The following PIAS2 variants were observed in gnomAD, a reference collection of about 807,000 sequenced individuals.
The protein encoded by PIAS2 is E3 SUMO-protein ligase PIAS2.
PIAS2 carries 19 observed loss-of-function variants against 69.7 expected under a neutral mutation model. That is an observed-to-expected ratio of 0.27 (90% CI 0.19 to 0.40). The LOEUF is 0.40. Ranked by LOEUF, PIAS2 falls within the 10% of genes least tolerant of loss-of-function variation. The pLI is 1.00. For missense variants in PIAS2, 624 were observed against 757.0 expected (o/e 0.82, Z 2.06); for synonymous variants, 261 against 263.2 (o/e 0.99, Z 0.08).
At chr18:46,843,503 A>C (rs905964537) in intron 8 of PIAS2, among the ~76,000 whole-genome samples, 1 of 152,186 alleles carries the variant, frequency 6.6e-6, no homozygotes, top group Non-Finnish European at 1.5e-5. Flanking sequence ...TTCAAACTCA[A>C]TTATTAACAT....
chr18:46,841,268 A>G (rs181239646), intron 8 of PIAS2, among the ~76,000 whole-genome samples: 30 of 152,314 alleles, frequency 2.0e-4, no homozygotes, highest in Non-Finnish European at 4.0e-4. Flanking sequence ...GTCCACTGCA[A>G]ATCACTTTAC....
At chr18:46,822,497 G>A (rs958507195) in intron 11 of PIAS2, among the ~76,000 whole-genome samples, 1 of 152,114 alleles carries the variant, frequency 6.6e-6, no homozygotes, top group African/African-American at 2.4e-5. Context: ...GAGATTTCTT[G>A]GCCTCCAGTG....
upstream of PIAS2, among the ~76,000 whole-genome samples, chr18:46,919,315 C>T (rs573531965): frequency 5.3e-5 from 8 of 152,064 alleles, no homozygotes; most frequent in South Asian, 2.1e-4. Context: ...GGAGAAACCC[C>T]GTCTCCACCA....
chr18:46,833,048 G>A (rs1188347516), intron 9 of PIAS2, among the ~76,000 whole-genome samples: 1 of 152,152 alleles, frequency 6.6e-6, no homozygotes, highest in African/African-American at 2.4e-5. Context: ...CCTGGCATGT[G>A]ACCAGGCATT....
chr18:46,806,353 C>CTTTTTTTTTTTTTTTTTTTTTTTT lies in PIAS2; in HGVS notation c.*6056_*6079dup, dbSNP rs869187746. 1.7e-5 allele frequency: 1 copy of CTTTTTTTTTTTTTTTTTTTTTTTT among 60,176 alleles called. No homozygotes were observed. The highest frequency in any genetic ancestry group is 5.4e-5 in the African/African-American group (1 of 18,454). 3.7% of individuals were successfully genotyped at this position (60,176 alleles called of 1,614,324 possible). A position where few individuals can be genotyped will look rare whatever the true frequency, so the allele number is the denominator to read the frequency against. ...AAAATTCTTTGCACAATGCCTGTTA[C>CTTTTTTTTTTTTTTTTTTTTTTTT]TTTTTTTTTTTTTTTTTTTTTTTTT... On this transcript the variant is annotated 3_prime_UTR_variant, in exon 14 of 14. Transcript: ENST00000585916.
intron 11 of PIAS2, 142 bp downstream of exon 11, chr18:46,827,817 C>T: frequency 3.0e-6 from 2 of 665,756 alleles, no homozygotes; most frequent in Non-Finnish European, 2.4e-6. Flanking sequence ...AATGTGCTTA[C>T]TCGAAAATAT....
chr18:46,871,207 A>G (rs1004316093), intron 2 of PIAS2, among the ~76,000 whole-genome samples: 5 of 152,216 alleles, frequency 3.3e-5, no homozygotes, highest in Non-Finnish European at 5.9e-5. Context: ...AGAAGCTCAA[A>G]AAGTATATGT....
chr18:46,916,873 A>G, intron 1 of PIAS2: 1 of 985,520 alleles, frequency 1.0e-6, no homozygotes, highest in Non-Finnish European at 1.2e-6. Flanking sequence ...AGAGATTCCT[A>G]AACGCAACTT....
intron 3 of PIAS2, among the ~76,000 whole-genome samples, chr18:46,861,985 G>A (rs1347304963): frequency 6.6e-6 from 1 of 152,020 alleles, no homozygotes; most frequent in African/African-American, 2.4e-5. Context: ...CAGGGATAAA[G>A]AATATATGTA....
chr18:46,913,106 TTA>T (rs2057437827), intron 1 of PIAS2, among the ~76,000 whole-genome samples: 1 of 152,206 alleles, frequency 6.6e-6, no homozygotes, highest in Non-Finnish European at 1.5e-5. Context: ...GAAGATTCTG[TTA>T]TATCTATCAT....
rs79344667 is a variant in PIAS2 at position 46,898,173 on chromosome 18, T to A, written c.25-7119A>T. On this transcript the variant is annotated intron_variant, in intron 1 of 13. Transcript: ENST00000585916. ...CCAAGGCAATATAATTTTTTTTTTT[T>A]GAGAGAGAGAATCTCACTCTGTCAC... 2.0e-5 allele frequency among the ~76,000 whole-genome samples: 3 copies of A among 152,034 alleles called. No homozygotes were observed. The East Asian group carries it at 5.8e-4, about 29-fold the overall frequency.
In PIAS2 at chr18:46,828,180, T is replaced by C. The variant is rs763527569; in HGVS notation, c.1337-50A>G. The C allele has an allele frequency of 6.0e-6, 9 of 1,487,766 alleles. No homozygotes were observed. In the East Asian group the frequency reaches 1.8e-4, roughly 30 times the overall value. The allele number at this position is 1,487,766 out of a possible 1,614,324, so 92.2% of individuals were successfully genotyped here. On this transcript the variant is annotated intron_variant, in intron 10 of 13. Transcript: ENST00000585916. ...AAAAAAATTAAAGGTATAACACAAATAAACTCTAGTGGTAGAGTCTAGTAT... is the reference window on the plus strand; with the variant it reads ...AAAAAAATTAAAGGTATAACACAAACAAACTCTAGTGGTAGAGTCTAGTAT...
At chr18:46,891,817 T>A (rs900833502) in intron 1 of PIAS2, among the ~76,000 whole-genome samples, 2 of 152,318 alleles carry the variant, frequency 1.3e-5, no homozygotes, top group East Asian at 3.9e-4. Flanking sequence ...TTATAAGCAG[T>A]TGCAGCTTCA....
intron 1 of PIAS2, chr18:46,917,011 G>A: frequency 1.0e-6 from 1 of 986,886 alleles, no homozygotes; most frequent in Non-Finnish European, 1.2e-6. Context: ...ACTGCGAACC[G>A]GGATGTCGGG....
chr18:46,906,841 G>T (rs933784923), intron 1 of PIAS2, among the ~76,000 whole-genome samples: 1 of 148,278 alleles, frequency 6.7e-6, no homozygotes, highest in African/African-American at 2.5e-5. Flanking sequence ...AAACAATCAA[G>T]AAGTTCCTTG....
In PIAS2 at chr18:46,832,027, A is replaced by G. The variant is rs180758546; in HGVS notation, c.1203-2160T>C. Among the ~76,000 whole-genome samples the G allele has an allele frequency of 8.5e-5, 13 of 152,344 alleles. No homozygotes were observed. The East Asian group carries it at 2.3e-3, about 27-fold the overall frequency. ...AAAGACTGAAAAGATAAAATGATAG[A>G]AAACATTTAAAAATCATATACCTGG... On this transcript the variant is annotated intron_variant, in intron 9 of 13. Coordinates refer to ENST00000585916, the MANE Select transcript of PIAS2 (RefSeq NM_004671.5).
At chr18:46,846,974 T>TA in intron 5 of PIAS2, 133 bp from the exon 6 acceptor site, 7 of 655,450 alleles carry the variant, frequency 1.1e-5, no homozygotes, top group Non-Finnish European at 1.6e-5. Context: ...CATATAGCCC[T>TA]TATGATCATT....
chr18:46,895,503 T>G (rs548751830), intron 1 of PIAS2, among the ~76,000 whole-genome samples: 12 of 152,054 alleles, frequency 7.9e-5, no homozygotes, highest in Non-Finnish European at 1.8e-4. Context: ...AAACCCTGTC[T>G]CTACTAAAAA....
Position 46,893,372 on chromosome 18 carries a change from T to C in PIAS2, c.25-2318A>G, listed in dbSNP as rs2054355311. 7.1e-6 allele frequency: 4 copies of C among 564,058 alleles called. No homozygotes were observed. In the African/African-American group the frequency reaches 8.1e-5, roughly 11 times the overall value. The allele number at this position is 564,058 out of a possible 1,614,324, so 34.9% of individuals were successfully genotyped here. A position where few individuals can be genotyped will look rare whatever the true frequency, so the allele number is the denominator to read the frequency against. On this transcript the variant is annotated intron_variant, in intron 1 of 13. Coordinates refer to ENST00000585916, the MANE Select transcript of PIAS2 (RefSeq NM_004671.5). Reference sequence around the variant, plus strand: ...TCCTTATACTTATTGTCAGATATTCTTCATTTTAAGGGAAGCTATTTTACA... The same window carrying C: ...TCCTTATACTTATTGTCAGATATTCCTCATTTTAAGGGAAGCTATTTTACA...
Sources: gnomAD v4.1 joint callset for allele counts (sites outside exome capture counted in the v4.1 genomes callset) on GRCh38, gnomAD v4.1.1 for gene constraint, MANE v1.5 for transcripts, NCBI Gene and HGNC (gene_info 2026-07-23, HGNC 2026-07-21) for gene names.